Variants in NHERF2 observed in about 807,000 individuals in gnomAD.
The protein encoded by NHERF2 is Na(+)/H(+) exchange regulatory cofactor NHE-RF2.
the NHERF2 span, chr16:2,036,165 T>G: frequency 2.9e-6 from 2 of 699,460 alleles, no homozygotes; most frequent in Non-Finnish European, 4.6e-6. Context: ...TAAAGCTCTG[T>G]CACAGGCAGC....
the NHERF2 span, chr16:2,026,966 C>G: frequency 1.1e-6 from 1 of 915,812 alleles, no homozygotes; most frequent in Non-Finnish European, 1.3e-6. Flanking sequence ...CGAGCTCCCC[C>G]GCGCCCCTGC....
At chr16:2,036,781 C>G in the NHERF2 span, 2 of 1,613,494 alleles carry the variant, frequency 1.2e-6, no homozygotes, top group South Asian at 1.1e-5. Flanking sequence ...TGGCCAGCAT[C>G]AAGGCACGGG....
chr16:2,029,417 A>C, the NHERF2 span: 1 of 590,318 alleles, frequency 1.7e-6, no homozygotes, highest in Non-Finnish European at 2.9e-6. Context: ...GAGCCGCTGG[A>C]GTCCGGGGGT....
chr16:2,028,599 C>T, the NHERF2 span, among the ~76,000 whole-genome samples: 3 of 152,156 alleles, frequency 2.0e-5, no homozygotes, highest in South Asian at 6.2e-4. Flanking sequence ...AGTCAAGAAG[C>T]AGCTGGGCAC....
At chr16:2,029,651 G>A in the NHERF2 span, 4 of 1,572,052 alleles carry the variant, frequency 2.5e-6, no homozygotes, top group East Asian at 9.4e-5. Context: ...GACAGATGAG[G>A]AGCTCCGCCG....
the NHERF2 span, chr16:2,035,776 T>G: frequency 4.0e-6 from 3 of 757,146 alleles, no homozygotes; most frequent in African/African-American, 3.8e-5. Flanking sequence ...CACACTAAGC[T>G]CCTGCCCCAG....
At chr16:2,027,144 G>A in the NHERF2 span, 33 of 1,474,774 alleles carry the variant, frequency 2.2e-5, no homozygotes, top group South Asian at 4.0e-4. Flanking sequence ...CCCCGCCGAG[G>A]CCGCCGCGCT....
the NHERF2 span, chr16:2,038,820 C>T: frequency 4.4e-5 from 7 of 158,264 alleles, no homozygotes; most frequent in South Asian, 1.8e-4. Context: ...GCCTGGGGAA[C>T]GTAGGTGTGT....
chr16:2,029,826 GAGGCTCTCTC>G, the NHERF2 span: 1 of 1,498,498 alleles, frequency 6.7e-7, no homozygotes, highest in South Asian at 1.2e-5. Context: ...GCCTCTCCCA[GAGGCTCTCTC>G]AGCTTTTGAC....
At chr16:2,034,141 G>A in the NHERF2 span, among the ~76,000 whole-genome samples, 2 of 152,202 alleles carry the variant, frequency 1.3e-5, no homozygotes, top group Non-Finnish European at 2.9e-5. Flanking sequence ...GGCGTGGGAA[G>A]GGCTGCCGGG....
chr16:2,036,601 G>C, the NHERF2 span: 1 of 1,523,930 alleles, frequency 6.6e-7, no homozygotes, highest in Non-Finnish European at 8.8e-7. Context: ...CTGGGAACCT[G>C]AGCTGGTGCG....
the NHERF2 span, chr16:2,036,589 C>T: frequency 2.8e-5 from 43 of 1,513,400 alleles, no homozygotes; most frequent in East Asian, 5.5e-4. Flanking sequence ...AGGAGGGAGA[C>T]GCTGGGAACC....
At chr16:2,033,813 GCCC>G in the NHERF2 span, among the ~76,000 whole-genome samples, 1 of 152,116 alleles carries the variant, frequency 6.6e-6, no homozygotes, top group Non-Finnish European at 1.5e-5. Flanking sequence ...GGCTCTCTGG[GCCC>G]CCCTTCCCCA....
At chr16:2,036,111 A>C in the NHERF2 span, 1 of 511,250 alleles carries the variant, frequency 2.0e-6, no homozygotes, top group Non-Finnish European at 3.4e-6. Flanking sequence ...CCCGTCGGGG[A>C]GGCTTCTGGG....
At chr16:2,029,542 T>G in the NHERF2 span, 1 of 1,530,796 alleles carries the variant, frequency 6.5e-7, no homozygotes, top group East Asian at 2.4e-5. Context: ...CTGCCCGGAA[T>G]GTGGGCCACT....
At chr16:2,027,642 T>G in the NHERF2 span, among the ~76,000 whole-genome samples, 2 of 152,230 alleles carry the variant, frequency 1.3e-5, no homozygotes, top group Non-Finnish European at 2.9e-5. Context: ...TGCGCCTGCC[T>G]GTGCGTACCC....
chr16:2,029,575 G>T, the NHERF2 span: 1 of 1,562,780 alleles, frequency 6.4e-7, no homozygotes, highest in Admixed American at 1.9e-5. Flanking sequence ...TCGCCCATTC[G>T]CCCCAGGTGG....
chr16:2,037,450 C>CAT, the NHERF2 span: 280 of 1,232,742 alleles, frequency 2.3e-4, 2 homozygotes, highest in South Asian at 3.4e-3. Flanking sequence ...GGAGCACACA[C>CAT]TGGGGGGGGG....
At chr16:2,033,454 G>C in the NHERF2 span, 1 of 1,500,690 alleles carries the variant, frequency 6.7e-7, no homozygotes, top group South Asian at 1.2e-5. Context: ...TGGGAGGAAG[G>C]GAGGGCTAGG....
Sources: allele counts gnomAD v4.1 joint callset (sites outside exome capture counted in the v4.1 genomes callset), GRCh38; gene constraint gnomAD v4.1.1; transcripts MANE v1.5; gene names NCBI Gene and HGNC (gene_info 2026-07-23, HGNC 2026-07-21).